The following CTSS variants were observed in gnomAD, a reference collection of about 807,000 sequenced individuals.
CTSS encodes cathepsin S.
CTSS carries 15 observed loss-of-function variants against 39.9 expected under a neutral mutation model. The observed-to-expected ratio is 0.38, with a 90% CI of 0.25 to 0.58. The LOEUF is 0.58. Among genes scored for constraint, CTSS ranks in the 20% least tolerant of loss-of-function variants. The pLI, the probability that CTSS is intolerant of heterozygous loss-of-function variation, is 0.70. For synonymous variants in CTSS, 126 were observed against 138.2 expected, an observed-to-expected ratio of 0.91 and a Z score of 0.62; for missense variants, 250 against 398.2, an observed-to-expected ratio of 0.63 and a Z score of 3.17.
At chr1:150,743,642 T>A (rs1284748249) in intron 7 of CTSS, among the ~76,000 whole-genome samples, 1 of 80,712 alleles carries the variant, frequency 1.2e-5, no homozygotes, top group Non-Finnish European at 2.8e-5. Flanking sequence ...CATAATATAT[T>A]ATATATGTAT....
At chr1:150,736,403 T>C (rs771135297) in intron 7 of CTSS, among the ~76,000 whole-genome samples, 1 of 152,228 alleles carries the variant, frequency 6.6e-6, no homozygotes, top group African/African-American at 2.4e-5. Context: ...CTAACTTTTA[T>C]CTATGCCTAT....
intron 7 of CTSS, among the ~76,000 whole-genome samples, chr1:150,734,413 G>T (rs923324793): frequency 6.6e-6 from 1 of 151,996 alleles, no homozygotes; most frequent in African/African-American, 2.4e-5. Context: ...GGCAGAGACG[G>T]GCAGATCATT....
intron 7 of CTSS, among the ~76,000 whole-genome samples, chr1:150,734,093 A>AT (rs1432910853): frequency 1.3e-5 from 2 of 151,566 alleles, no homozygotes; most frequent in Admixed American, 1.3e-4. Context: ...CAATGGTGCA[A>AT]TCTCAGCTCA....
At position 150,757,980 on chromosome 1, in the gene CTSS, T is replaced by C; in HGVS notation, c.127A>G (p.Asn43Asp). The change falls in exon 3 of 8, where the codon AAT (asparagine) becomes GAT (aspartate). Residue 43 changes from asparagine to aspartate, a missense_variant and splice_region_variant. Coordinates refer to ENST00000368985, the MANE Select transcript of CTSS (RefSeq NM_004079.5). ...KTYGKQYKEK[N>D]EEAVRRLIWE... ...ATGAGACGTCGTACTGCTTCTTCAT[T>C]CTAAAACATAATGAAGAAGAACATA... 1 of 1,613,394 alleles carries C rather than the reference T, an allele frequency of 6.2e-7. No homozygotes were observed. The highest frequency in any genetic ancestry group is 8.5e-7 in the Non-Finnish European group (1 of 1,179,762).
intron 2 of CTSS, among the ~76,000 whole-genome samples, chr1:150,764,382 C>T (rs994718005): frequency 1.3e-5 from 2 of 152,002 alleles, no homozygotes; most frequent in Non-Finnish European, 2.9e-5. Flanking sequence ...GGATTACAGG[C>T]GCCCACCACC....
At position 150,730,463 on chromosome 1, in the gene CTSS, G is replaced by A. The variant is rs587721154; in HGVS notation, c.*2583C>T. On this transcript the variant is annotated 3_prime_UTR_variant, in exon 8 of 8. Transcript: ENST00000368985. ...TGCTCCTTTTCTCTGGGTGCCAGGA[G>A]AGCACCTCTTACATGACAGTCTTAT... is the stretch of plus-strand genomic sequence containing the variant. 2.7e-4 allele frequency: 41 copies of A among 152,288 alleles called. No homozygotes were observed. Among genetic ancestry groups the A allele is most frequent in the Admixed American group, 1.2e-3 (18 of 15,280 alleles). The allele number at this position is 152,288 out of a possible 1,614,324, so 9.4% of individuals were successfully genotyped here. A position where few individuals can be genotyped will look rare whatever the true frequency, so the allele number is the denominator to read the frequency against.
chr1:150,754,435 T>A (rs116782365), intron 4 of CTSS, among the ~76,000 whole-genome samples: 7,328 of 150,040 alleles, frequency 0.049, 588 homozygotes, highest in African/African-American at 0.17. Flanking sequence ...TTTACCTTTT[T>A]TTTTTTTTTT....
At chr1:150,742,869 G>A (rs587597384) in intron 7 of CTSS, among the ~76,000 whole-genome samples, 1 of 152,218 alleles carries the variant, frequency 6.6e-6, no homozygotes, top group Non-Finnish European at 1.5e-5. Context: ...TCAGGGATGA[G>A]GGAAGAAAGG....
chr1:150,749,562 GCCCCGCCTCA>G lies in CTSS; in HGVS notation c.793+434_793+443del, dbSNP rs1652962730. ...GTTTAAAATTGCCTCGCCTCACCCC[GCCCCGCCTCA>G]CCCCGCCCCGCCCCGCCCCGCCCCA... On this transcript the variant is annotated intron_variant, in intron 6 of 7. Coordinates refer to ENST00000368985, the MANE Select transcript of CTSS (RefSeq NM_004079.5). Among the ~76,000 whole-genome samples the G allele has an allele frequency of 2.5e-5, 3 of 120,532 alleles. No individual in the cohort carries two copies. In the South Asian group the frequency reaches 8.5e-4, roughly 34 times the overall value. 79.1% of individuals were successfully genotyped at this position (120,532 alleles called of 152,430 possible).
chr1:150,754,334 G>A (rs1422854836), intron 4 of CTSS, among the ~76,000 whole-genome samples: 1 of 151,384 alleles, frequency 6.6e-6, no homozygotes, highest in Non-Finnish European at 1.5e-5. Flanking sequence ...AGCTGGTCTC[G>A]AACTCCTGAC....
chr1:150,739,539 C>T (rs1652702293), intron 7 of CTSS, among the ~76,000 whole-genome samples: 1 of 152,152 alleles, frequency 6.6e-6, no homozygotes, highest in Middle Eastern at 3.4e-3. Flanking sequence ...GCTAAAAATA[C>T]AGAAATTACC....
chr1:150,740,552 G>A (rs1484806809), intron 7 of CTSS, among the ~76,000 whole-genome samples: 1 of 151,912 alleles, frequency 6.6e-6, no homozygotes, highest in Non-Finnish European at 1.5e-5. Flanking sequence ...CACCACGCCT[G>A]GCTAATTTTT....
intron 2 of CTSS, among the ~76,000 whole-genome samples, chr1:150,763,222 G>A (rs1653301297): frequency 6.6e-6 from 1 of 152,056 alleles, no homozygotes; most frequent in Non-Finnish European, 1.5e-5. Flanking sequence ...TCATTTACAT[G>A]TGGAATCTAA....
At chr1:150,742,033 T>C (rs948072289) in intron 7 of CTSS, among the ~76,000 whole-genome samples, 5 of 151,204 alleles carry the variant, frequency 3.3e-5, no homozygotes, top group African/African-American at 9.7e-5. Flanking sequence ...GGTCAAGAGA[T>C]CGAGATCATC....
chr1:150,764,563 G>A, intron 2 of CTSS, 75 bp downstream of exon 2: 3 of 1,584,964 alleles, frequency 1.9e-6, no homozygotes, highest in Non-Finnish European at 2.6e-6. Flanking sequence ...AACACTGCCT[G>A]TAAGAACACA....
intron 4 of CTSS, 61 bp downstream of exon 4, chr1:150,754,940 C>T: frequency 1.3e-6 from 2 of 1,526,772 alleles, no homozygotes; most frequent in Non-Finnish European, 1.8e-6. Flanking sequence ...AATTCTGTAG[C>T]TAGACTAAGC....
chr1:150,756,278 T>C (rs1446725104), intron 3 of CTSS, among the ~76,000 whole-genome samples: 2 of 152,182 alleles, frequency 1.3e-5, no homozygotes, highest in African/African-American at 4.8e-5. Context: ...CTGATAACAA[T>C]GTTTTCTACT....
rs587615986 is a variant in CTSS at position 150,758,709 on chromosome 1, C to CTGTT, written c.127-733_127-730dup. 1.7e-3 allele frequency among the ~76,000 whole-genome samples: 254 copies of CTGTT among 151,776 alleles called. 1 individual carries two copies. Among genetic ancestry groups the CTGTT allele is most frequent in the African/African-American group, 5.0e-3 (209 of 41,420 alleles). The stretch of plus-strand genomic sequence containing the variant: ...GTGTGTGCCACTGCAGCCAGTTTTT[C>CTGTT]TGTTTGTTTGTTTGTTTGTTTTGGT... On this transcript the variant is annotated intron_variant, in intron 2 of 7. Coordinates refer to ENST00000368985, the MANE Select transcript of CTSS (RefSeq NM_004079.5).
chr1:150,747,998 A>G (rs1652923131), intron 6 of CTSS, 119 bp from the exon 7 acceptor site: 1 of 692,224 alleles, frequency 1.4e-6, no homozygotes, highest in South Asian at 1.9e-5. Flanking sequence ...TAATTTAAAA[A>G]GTTAAGGACA....
Sources: allele counts gnomAD v4.1 joint callset (sites outside exome capture counted in the v4.1 genomes callset), GRCh38; gene constraint gnomAD v4.1.1; transcripts MANE v1.5; gene names NCBI Gene and HGNC (gene_info 2026-07-23, HGNC 2026-07-21).